The following NRXN1 variants were observed in gnomAD, a reference collection of about 807,000 sequenced individuals.
NRXN1 encodes the protein neurexin 1, also known as neurexin-1.
In NRXN1, 39 loss-of-function variants were observed where a neutral mutation model predicts 150.9. The observed-to-expected ratio is 0.26, with a 90% CI of 0.20 to 0.34. The LOEUF is 0.34. NRXN1 is among the 10% of genes least tolerant of loss of function. The pLI, the probability that NRXN1 is intolerant of heterozygous loss-of-function variation, is 1.00. For synonymous variants in NRXN1, 924 were observed against 757.0 expected (o/e 1.22, Z -3.62); for missense variants, 1,815 against 1,949.9 (o/e 0.93, Z 1.30).
At chr2:50,987,855 C>T (rs7574611) in intron 2 of NRXN1, among the ~76,000 whole-genome samples, 1 of 151,660 alleles carries the variant, frequency 6.6e-6, no homozygotes, top group African/African-American at 2.4e-5. Flanking sequence ...CAGTTTGTAG[C>T]AGCTGCAGAA....
At chr2:50,772,964 G>C (rs780157966) in intron 5 of NRXN1, among the ~76,000 whole-genome samples, 8 of 152,116 alleles carry the variant, frequency 5.3e-5, no homozygotes, top group Non-Finnish European at 1.2e-4. Context: ...ATAAAGAGCA[G>C]TAAAATTACT....
chr2:50,474,702 A>AAG (rs2089835710), intron 15 of NRXN1, among the ~76,000 whole-genome samples: 1 of 150,486 alleles, frequency 6.6e-6, no homozygotes, highest in Non-Finnish European at 1.5e-5. Context: ...AAAAAAAAAA[A>AAG]AAAAGTCCAA....
At chr2:50,781,052 G>C (rs1266711419) in intron 5 of NRXN1, among the ~76,000 whole-genome samples, 1 of 152,144 alleles carries the variant, frequency 6.6e-6, no homozygotes, top group African/African-American at 2.4e-5. Context: ...TCCTAGGCCA[G>C]AGATGAAGTT....
chr2:50,697,082 C>A (rs1373875496), intron 5 of NRXN1, among the ~76,000 whole-genome samples: 1 of 151,972 alleles, frequency 6.6e-6, no homozygotes. Context: ...ATATGAATAC[C>A]CTGCAACCTC....
rs1327606285 is a variant in NRXN1 at position 51,027,677 on chromosome 2, G to A, written c.597C>T (p.Ser199=). The part of the protein sequence containing the change: ...VNSSQVLPVD[S]GEVKLDDEPP... ...GCTCATCGTCCAGCTTCACCTCGCC[G>A]CTGTCCACGGGCAGGACCTGCGAGG... The change falls in exon 2 of 23, where the codon AGC becomes AGT. Residue 199 remains serine, a synonymous_variant. Coordinates refer to ENST00000401669, the MANE Select transcript of NRXN1 (RefSeq NM_001330078.2). The A allele has an allele frequency of 3.1e-6, 5 of 1,603,308 alleles. No homozygotes were observed. Among genetic ancestry groups the A allele is most frequent in the South Asian group, 1.1e-5 (1 of 89,358 alleles).
chr2:50,224,981 T>TGA (rs2064234596), intron 18 of NRXN1, among the ~76,000 whole-genome samples: 1 of 151,958 alleles, frequency 6.6e-6, no homozygotes, highest in African/African-American at 2.4e-5. Context: ...GTGTAGTATT[T>TGA]GAATCTGAAG....
intron 18 of NRXN1, among the ~76,000 whole-genome samples, chr2:50,109,208 C>A (rs1702054244): frequency 6.6e-6 from 1 of 152,116 alleles, no homozygotes; most frequent in Non-Finnish European, 1.5e-5. Flanking sequence ...GTCTGCGAAA[C>A]AAGAGTACTG....
intron 17 of NRXN1, among the ~76,000 whole-genome samples, chr2:50,436,369 C>A (rs2085437783): frequency 6.6e-6 from 1 of 152,032 alleles, no homozygotes; most frequent in African/African-American, 2.4e-5. Context: ...AGAAGAATCC[C>A]TTTGAACCCA....
At chr2:50,579,316 C>G (rs923720989) in intron 8 of NRXN1, among the ~76,000 whole-genome samples, 2 of 152,122 alleles carry the variant, frequency 1.3e-5, no homozygotes, top group African/African-American at 4.8e-5. Flanking sequence ...ATAGGAAAGC[C>G]TGTATTAGAC....
rs762326241 is a variant in NRXN1, at chr2:50,538,388, G to A, written c.2008C>T (p.Pro670Ser). The change falls in exon 10 of 23, where the codon CCT becomes TCT. Residue 670 changes from proline (P) to serine (S), a missense_variant. Transcript: ENST00000401669. ...TTTGCTGTTTCCTTTGAGCAGGAAG[G>A]CTTCACTCCAGCAGTACTTTGAACT... ...AEVQSTAGVKPSCSKETAKPC... is the reference protein window; with the variant it reads ...AEVQSTAGVKSSCSKETAKPC... 15 of 1,613,960 alleles carry A rather than the reference G, an allele frequency of 9.3e-6. No homozygotes were observed. Among genetic ancestry groups the A allele is most frequent in the East Asian group, 2.2e-5 (1 of 44,874 alleles).
intron 5 of NRXN1, among the ~76,000 whole-genome samples, chr2:50,691,808 C>G (rs1157852748): frequency 1.3e-5 from 2 of 151,958 alleles, no homozygotes; most frequent in African/African-American, 2.4e-5. Context: ...CATAGAAAAT[C>G]TCTCATTCAC....
chr2:50,629,484 T>C (rs1681838514), intron 5 of NRXN1, among the ~76,000 whole-genome samples: 1 of 151,646 alleles, frequency 6.6e-6, no homozygotes, highest in Non-Finnish European at 1.5e-5. Flanking sequence ...GAGGGGATAG[T>C]AGTGAGGAGA....
intron 18 of NRXN1, among the ~76,000 whole-genome samples, chr2:50,209,944 A>C (rs2062892458): frequency 6.6e-6 from 1 of 152,002 alleles, no homozygotes; most frequent in Non-Finnish European, 1.5e-5. Context: ...GTACTGTTCT[A>C]TGTATTAACG....
intron 2 of NRXN1, among the ~76,000 whole-genome samples, chr2:50,948,030 C>T (rs1480691447): frequency 1.3e-5 from 2 of 151,490 alleles, no homozygotes; most frequent in African/African-American, 4.9e-5. Context: ...ATAATCCTGG[C>T]AAGTTATTTA....
At chr2:49,966,099 G>C (rs1258241228) in intron 21 of NRXN1, among the ~76,000 whole-genome samples, 2 of 152,060 alleles carry the variant, frequency 1.3e-5, no homozygotes, top group African/African-American at 4.8e-5. Context: ...GGCATCCATT[G>C]TATAAAAGCT....
intron 2 of NRXN1, among the ~76,000 whole-genome samples, chr2:50,927,839 C>T (rs570899796): frequency 2.0e-5 from 3 of 151,680 alleles, no homozygotes; most frequent in South Asian, 4.2e-4. Context: ...AGCAGTGCTT[C>T]GGTAGAAATT....
intron 5 of NRXN1, among the ~76,000 whole-genome samples, chr2:50,871,535 C>T (rs779937483): frequency 6.6e-6 from 1 of 151,804 alleles, no homozygotes; most frequent in Non-Finnish European, 1.5e-5. Flanking sequence ...GATAATTATT[C>T]ATTCAATTTA....
At chr2:49,997,690 G>A (rs919323703) in intron 21 of NRXN1, among the ~76,000 whole-genome samples, 8 of 152,062 alleles carry the variant, frequency 5.3e-5, no homozygotes, top group Admixed American at 5.2e-4. Context: ...CAAAATACTA[G>A]AAATTTAGAA....
chr2:50,675,659 A>C (rs1471344791), intron 5 of NRXN1, among the ~76,000 whole-genome samples: 2 of 152,138 alleles, frequency 1.3e-5, no homozygotes, highest in East Asian at 3.9e-4. Context: ...TAAACCATGA[A>C]TCATCTTGTC....
Sources: allele counts gnomAD v4.1 joint callset (sites outside exome capture counted in the v4.1 genomes callset), GRCh38; gene constraint gnomAD v4.1.1; transcripts MANE v1.5; gene names NCBI Gene and HGNC (gene_info 2026-07-23, HGNC 2026-07-21).